The following COPA variants were observed in gnomAD, a reference collection of about 807,000 sequenced individuals.
COPA encodes coatomer subunit alpha.
Under a neutral mutation model 158.7 loss-of-function variants are expected in COPA, and 10 were observed. The observed-to-expected ratio is 0.06, with a 90% confidence interval of 0.04 to 0.11. COPA has a LOEUF of 0.11. Ranked by LOEUF, COPA falls within the 10% of genes least tolerant of loss-of-function variation. COPA has a pLI of 1.00. For missense variants in COPA, 1,065 were observed against 1,536.7 expected, an observed-to-expected ratio of 0.69 and a Z score of 5.13; for synonymous variants, 462 against 542.8, an observed-to-expected ratio of 0.85 and a Z score of 2.07.
Position 160,294,823 on chromosome 1 carries a change from A to G in COPA, c.2511T>C (p.Ile837=). The change falls in exon 24 of 33, where the codon ATT becomes ATC. Residue 837 remains isoleucine (I), a synonymous_variant. Coordinates refer to ENST00000241704, the MANE Select transcript of COPA (RefSeq NM_004371.4). The part of the protein sequence containing the change: ...KGGALAADID[I]DTVGTEGWGE... ...CCCAGCCCTCTGTACCAACAGTGTC[A>G]ATGTCAATGTCAGCAGCCAGTGCTC... 2 of 1,613,696 alleles carry G rather than the reference A, an allele frequency of 1.2e-6. No homozygotes were observed. The highest frequency in any genetic ancestry group is 1.7e-6 in the Non-Finnish European group (2 of 1,179,628).
chr1:160,342,187 A>G (rs1360308992), intron 1 of COPA, among the ~76,000 whole-genome samples: 1 of 152,228 alleles, frequency 6.6e-6, no homozygotes, highest in Non-Finnish European at 1.5e-5. Context: ...ATACAGACTT[A>G]GAGACATTAA....
At chr1:160,339,028 T>A (rs1647910888) in intron 3 of COPA, among the ~76,000 whole-genome samples, 1 of 145,232 alleles carries the variant, frequency 6.9e-6, no homozygotes, top group Admixed American at 6.7e-5. Flanking sequence ...TCCAGAAAAC[T>A]ATCTCCTCCT....
At position 160,333,691 on chromosome 1, in the gene COPA, T is replaced by G; in HGVS notation, c.310-12A>C. 1 of 1,604,956 alleles carries G rather than the reference T, an allele frequency of 6.2e-7. No individual in the cohort carries two copies. The highest frequency in any genetic ancestry group is 1.1e-5 in the South Asian group (1 of 90,384). ...ATCCAGGGATATTCCTGAAAGATATTCCAGACAAAGGCTTTAAACATTAAA... is the reference window on the plus strand; with the variant it reads ...ATCCAGGGATATTCCTGAAAGATATGCCAGACAAAGGCTTTAAACATTAAA... On this transcript the variant is annotated splice_polypyrimidine_tract_variant and intron_variant, in intron 4 of 32. Transcript: ENST00000241704.
chr1:160,307,082 A>C, intron 14 of COPA, 81 bp downstream of exon 14: 3 of 1,389,386 alleles, frequency 2.2e-6, no homozygotes, highest in Non-Finnish European at 3.1e-6. Context: ...GAACAGAAAA[A>C]ACAATGGTCT....
chr1:160,290,213 T>A lies in COPA; in HGVS notation c.3619A>T (p.Thr1207Ser). Residue 1207 changes from threonine (T) to serine (S), a missense_variant, in exon 33 of 33, where the codon ACA (threonine) becomes TCA (serine). Physicochemically the swap from Thr to Ser is moderately conservative, Grantham distance 58. Coordinates refer to ENST00000241704, the MANE Select transcript of COPA (RefSeq NM_004371.4). The part of the protein sequence containing the change: ...KGQICRVTTV[T>S]EIGKDVIGLR... Reference sequence around the variant, plus strand: ...CCAATCACATCTTTGCCAATCTCTGTCACCTGTGGAAAAACAAACAAAGGA... The same window carrying A: ...CCAATCACATCTTTGCCAATCTCTGACACCTGTGGAAAAACAAACAAAGGA... The A allele has an allele frequency of 6.2e-7, 1 of 1,614,084 alleles. No homozygotes were observed. Among genetic ancestry groups the A allele is most frequent in the Non-Finnish European group, 8.5e-7 (1 of 1,179,988 alleles).
At chr1:160,342,837 C>A (rs1249818058) in intron 1 of COPA, among the ~76,000 whole-genome samples, 1 of 152,074 alleles carries the variant, frequency 6.6e-6, no homozygotes, top group Non-Finnish European at 1.5e-5. Context: ...CAGAACAACA[C>A]AAATCGGGAG....
At chr1:160,340,086 T>C in intron 2 of COPA, 95 bp downstream of exon 2, 1 of 1,496,366 alleles carries the variant, frequency 6.7e-7, no homozygotes, top group Non-Finnish European at 9.3e-7. Context: ...CCACATTCTT[T>C]AATCATAGAG....
Position 160,339,874 on chromosome 1 carries a change from T to G in COPA, c.228+35A>C, listed in dbSNP as rs1886419. 0.58 allele frequency: 913,436 copies of G among 1,582,816 alleles called. 269,117 individuals are homozygous for G. Among genetic ancestry groups the G allele is most frequent in the African/African-American group, 0.87 (64,470 of 74,248 alleles). On this transcript the variant is annotated intron_variant, in intron 3 of 32. Coordinates refer to ENST00000241704, the MANE Select transcript of COPA (RefSeq NM_004371.4). ...ATTCCCAAACCTTCCCACATCCTCT[T>G]TCCTTTATTCTCAGTTATGACAGAC...
chr1:160,340,236 G>A lies in COPA; in HGVS notation c.99C>T (p.Ile33=), dbSNP rs781526871. The part of the protein sequence containing the change: ...WILTSLHNGV[I]QLWDYRMCTL... ...TGCACATCCGATAGTCCCATAACTG[G>A]ATGACCCCATTATGTAAACTAGTCA... Residue 33 remains isoleucine, a synonymous_variant, in exon 2 of 33, where the codon ATC becomes ATT. Transcript: ENST00000241704. 9 of 1,613,596 alleles carry A rather than the reference G, an allele frequency of 5.6e-6. No homozygotes were observed. The African/African-American group carries it at 1.1e-4, about 19-fold the overall frequency.
At chr1:160,291,771 G>A in intron 30 of COPA, 48 bp downstream of exon 30, 2 of 1,568,486 alleles carry the variant, frequency 1.3e-6, no homozygotes, top group Non-Finnish European at 1.8e-6. Flanking sequence ...CTAGTGAAGG[G>A]TGAAGGGAAG....
At chr1:160,302,072 A>G (rs1222906996) in intron 17 of COPA, among the ~76,000 whole-genome samples, 3 of 152,122 alleles carry the variant, frequency 2.0e-5, no homozygotes, top group African/African-American at 7.2e-5. Context: ...ATAGTAATAT[A>G]TAAGTACTTG....
chr1:160,325,435 A>C, intron 7 of COPA, 108 bp downstream of exon 7: 1 of 945,646 alleles, frequency 1.1e-6, no homozygotes, highest in South Asian at 1.4e-5. Flanking sequence ...CCTGGCACTT[A>C]ATAAGCACTC....
rs117353752 is a variant in COPA at position 160,329,108 on chromosome 1, C to A, written c.496+3340G>T. ...TTTGAACCCAATAGCAAAAAAGAAC[C>A]CTGCTGAAAAAGAATATGCTGATTT... On this transcript the variant is annotated intron_variant, in intron 6 of 32. Coordinates refer to ENST00000241704, the MANE Select transcript of COPA (RefSeq NM_004371.4). Among the ~76,000 whole-genome samples the A allele has an allele frequency of 3.5e-3, 540 of 152,208 alleles. 27 individuals carry two copies. In the East Asian group the frequency reaches 0.092, roughly 26 times the overall value.
At chr1:160,291,307 C>T (rs1658222731) in intron 31 of COPA, 28 bp downstream of exon 31, 1 of 1,611,884 alleles carries the variant, frequency 6.2e-7, no homozygotes, top group Non-Finnish European at 8.5e-7. Context: ...TCTGGCTTCC[C>T]TATGGTCACT....
chr1:160,301,043 G>A (rs776917441), intron 17 of COPA, among the ~76,000 whole-genome samples: 15 of 152,156 alleles, frequency 9.9e-5, no homozygotes, highest in Middle Eastern at 6.8e-3. Flanking sequence ...GCTTGAACCC[G>A]GGAGGTGGAG....
intron 28 of COPA, 119 bp downstream of exon 28, chr1:160,292,365 G>T: frequency 1.3e-6 from 2 of 1,579,056 alleles, no homozygotes; most frequent in Middle Eastern, 1.8e-4. Context: ...ACAAACCAAA[G>T]ATCTTTTTCT....
Position 160,313,108 on chromosome 1 carries a change from G to C in COPA, c.902C>G (p.Pro301Arg), listed in dbSNP as rs1659021081. The change falls in exon 10 of 33, where the codon CCT becomes CGT. Residue 301 changes from proline to arginine, a missense_variant. Physicochemically the swap from Pro to Arg is moderately radical, Grantham distance 103 (BLOSUM62 -2). Around this residue, in one of 2 missense-constraint regions of COPA, gnomAD observed 980 missense variants for 1,357.8 expected, o/e 0.72. Transcript: ENST00000241704. ...ACCTGCTGCAAAGAGGTTAAGGTTA[G>C]GGTGAGCAGCTAGGACCCAGAAACG... ...HDRFWVLAAHPNLNLFAAGHD... is the reference protein window; with the variant it reads ...HDRFWVLAAHRNLNLFAAGHD... 2.5e-6 allele frequency: 4 copies of C among 1,614,002 alleles called. No homozygotes were observed. The highest frequency in any genetic ancestry group is 3.4e-6 in the Non-Finnish European group (4 of 1,180,020).
chr1:160,307,517 C>T (rs916299188), intron 13 of COPA, among the ~76,000 whole-genome samples: 39 of 152,336 alleles, frequency 2.6e-4, no homozygotes, highest in African/African-American at 7.7e-4. Flanking sequence ...GCAGAAGGGC[C>T]GCCCATCTTG....
chr1:160,309,039 G>C, intron 13 of COPA, 62 bp downstream of exon 13: 1 of 1,314,938 alleles, frequency 7.6e-7, no homozygotes, highest in Non-Finnish European at 1.1e-6. Flanking sequence ...AACTTGAAGA[G>C]GAGTTATGAT....
Sources: gnomAD v4.1 joint callset for allele counts (sites outside exome capture counted in the v4.1 genomes callset) on GRCh38, gnomAD v4.1.1 for gene constraint, gnomAD v4.1.1 regional missense constraint, MANE v1.5 for transcripts, NCBI Gene and HGNC (gene_info 2026-07-23, HGNC 2026-07-21) for gene names.